The following PRKCZ variants were observed in gnomAD, a reference collection of about 807,000 sequenced individuals.
PRKCZ encodes the protein protein kinase C zeta, also known as protein kinase C zeta type.
In PRKCZ, 33 loss-of-function variants were observed where a neutral mutation model predicts 79.5. The ratio of observed to expected loss-of-function variants is 0.41; its 90% CI spans 0.31 to 0.55. The LOEUF is 0.55. Ranked by LOEUF, PRKCZ falls within the 20% of genes least tolerant of loss-of-function variation. The pLI, the probability that PRKCZ is intolerant of heterozygous loss-of-function variation, is 0.19. For synonymous variants in PRKCZ, 342 were observed against 320.9 expected (o/e 1.07, Z -0.70); for missense variants, 578 against 813.5 (o/e 0.71, Z 3.52).
chr1:2,180,074 A>G (rs375876565), intron 16 of PRKCZ, among the ~76,000 whole-genome samples: 2 of 152,184 alleles, frequency 1.3e-5, no homozygotes, highest in African/African-American at 2.4e-5. Context: ...CAAGCCCCAC[A>G]GCTGGGCTGG....
chr1:2,139,974 C>T (rs1220296890), intron 5 of PRKCZ, among the ~76,000 whole-genome samples: 8 of 152,188 alleles, frequency 5.3e-5, no homozygotes, highest in African/African-American at 1.9e-4. Context: ...GCAGGGACAG[C>T]TGGGTGGATG....
At chr1:2,102,530 C>G (rs547497786) in intron 4 of PRKCZ, among the ~76,000 whole-genome samples, 4 of 151,730 alleles carry the variant, frequency 2.6e-5, no homozygotes, top group African/African-American at 7.3e-5. Context: ...GATGGGGTTT[C>G]ACTGTGTTAG....
At chr1:2,093,646 C>A (rs939414527) in intron 4 of PRKCZ, among the ~76,000 whole-genome samples, 1 of 152,238 alleles carries the variant, frequency 6.6e-6, no homozygotes, top group African/African-American at 2.4e-5. Context: ...TGGTGCGGGG[C>A]CGCTGGGACC....
In PRKCZ at chr1:2,178,766, A is replaced by T. The variant is rs1685969079; in HGVS notation, c.1575+3453A>T. Among the ~76,000 whole-genome samples, 1 of 151,962 alleles carries T rather than the reference A, an allele frequency of 6.6e-6. No individual in the cohort carries two copies. The stretch of plus-strand genomic sequence containing the variant: ...TCGGTGGGTGTCAGCTCCATGTGGG[A>T]GTGGGGCACGTGTGAGGCCTTGGTC... On this transcript the variant is annotated intron_variant, in intron 16 of 17. Transcript: ENST00000378567. This position sits in a 1 kb window ranked among gnomAD's most constrained non-coding sequence, Gnocchi z 4.3.
chr1:2,105,943 C>G lies in PRKCZ; in HGVS notation c.335-29319C>G, dbSNP rs536632917. Among the ~76,000 whole-genome samples the G allele has an allele frequency of 2.9e-4, 44 of 152,358 alleles. 2 individuals are homozygous for G. The highest frequency in any genetic ancestry group is 9.6e-4 in the African/African-American group (40 of 41,600). On this transcript the variant is annotated intron_variant, in intron 4 of 17. Coordinates refer to ENST00000378567, the MANE Select transcript of PRKCZ (RefSeq NM_002744.6). ...GGCCCCACCCCCCCACACACACATG[C>G]TGGGACCACGAGTGGCACCCCCTGA...
At chr1:2,130,842 C>T (rs1435446553) in intron 4 of PRKCZ, among the ~76,000 whole-genome samples, 1 of 152,172 alleles carries the variant, frequency 6.6e-6, no homozygotes, top group Non-Finnish European at 1.5e-5. Context: ...CGCGTGGACA[C>T]ATACAGTGAA....
intron 4 of PRKCZ, among the ~76,000 whole-genome samples, chr1:2,069,020 T>G (rs1326809456): frequency 2.6e-5 from 4 of 152,166 alleles, no homozygotes; most frequent in African/African-American, 7.2e-5. Context: ...GTCACCACCC[T>G]GCCGGCTGCC....
At chr1:2,107,095 G>A (rs769766023) in intron 4 of PRKCZ, among the ~76,000 whole-genome samples, 5 of 152,252 alleles carry the variant, frequency 3.3e-5, no homozygotes, top group South Asian at 2.1e-4. Context: ...CCTGTGCCTC[G>A]CAGGGCCTGC....
chr1:2,055,135 G>T (rs542486802), intron 1 of PRKCZ, among the ~76,000 whole-genome samples: 2 of 151,920 alleles, frequency 1.3e-5, no homozygotes, highest in African/African-American at 4.8e-5. Flanking sequence ...GTAGAGACGG[G>T]GTTTCACCGT....
rs992127534 is a variant in PRKCZ at position 2,150,933 on chromosome 1, T to A, written c.831T>A (p.Ile277=). Residue 277 remains isoleucine, a synonymous_variant, in exon 9 of 18, where the codon ATT becomes ATA. Transcript: ENST00000378567. ...LLVRLKKNDQ[I]YAMKVVKKEL... ...TGCGGTTGAAGAAGAATGACCAAAT[T>A]TACGCCATGAAAGTGGTGAAGAAAG... 6 of 1,614,044 alleles carry A rather than the reference T, an allele frequency of 3.7e-6. No homozygotes were observed. Among genetic ancestry groups the A allele is most frequent in the Non-Finnish European group, 5.1e-6 (6 of 1,180,020 alleles).
chr1:2,175,008 CA>C (rs1473394629), intron 15 of PRKCZ, among the ~76,000 whole-genome samples, 175 bp downstream of exon 15: 2 of 152,126 alleles, frequency 1.3e-5, no homozygotes, highest in Non-Finnish European at 2.9e-5. Flanking sequence ...CGTTTTTACT[CA>C]CACCTAACAA....
chr1:2,162,420 C>G (rs1032974582), intron 10 of PRKCZ, among the ~76,000 whole-genome samples: 1 of 152,254 alleles, frequency 6.6e-6, no homozygotes, highest in Non-Finnish European at 1.5e-5. Flanking sequence ...GTGTAAGCCA[C>G]TGGGCCTGGC....
At chr1:2,055,324 T>G in intron 1 of PRKCZ, 117 bp from the exon 2 acceptor site, 2 of 1,296,930 alleles carry the variant, frequency 1.5e-6, no homozygotes, top group Non-Finnish European at 1.0e-6. Context: ...GGCTGTCATA[T>G]TGTCTTTGGG....
In PRKCZ at chr1:2,125,654, C is replaced by T. The variant is rs1214040445; in HGVS notation, c.335-9608C>T. Among the ~76,000 whole-genome samples the T allele has an allele frequency of 6.6e-6, 1 of 152,218 alleles. No homozygotes were observed. Among genetic ancestry groups the T allele is most frequent in the African/African-American group, 2.4e-5 (1 of 41,448 alleles). ...AAGAAAAGACTGAGACCCTGTGGTGCCTCCCGCTTTCCATCCGCATTCCAT... is the reference window on the plus strand; with the variant it reads ...AAGAAAAGACTGAGACCCTGTGGTGTCTCCCGCTTTCCATCCGCATTCCAT... On this transcript the variant is annotated intron_variant, in intron 4 of 17. Coordinates refer to ENST00000378567, the MANE Select transcript of PRKCZ (RefSeq NM_002744.6). This position sits in a 1 kb window ranked among gnomAD's most constrained non-coding sequence, Gnocchi z 4.2.
chr1:2,129,228 C>T (rs1290936631), intron 4 of PRKCZ, among the ~76,000 whole-genome samples: 1 of 152,102 alleles, frequency 6.6e-6, no homozygotes, highest in Non-Finnish European at 1.5e-5. Flanking sequence ...TTGCAGAATC[C>T]CCCGAAAAGG....
At chr1:2,140,030 C>T (rs1391887050) in intron 5 of PRKCZ, among the ~76,000 whole-genome samples, 5 of 152,182 alleles carry the variant, frequency 3.3e-5, no homozygotes, top group Non-Finnish European at 5.9e-5. Flanking sequence ...GGAGTGACCA[C>T]TTGGGTCCCT....
intron 4 of PRKCZ, among the ~76,000 whole-genome samples, chr1:2,131,960 C>T (rs1157955153): frequency 2.0e-5 from 3 of 152,120 alleles, no homozygotes; most frequent in Admixed American, 6.6e-5. Flanking sequence ...TACAGGCGCC[C>T]ACCACCACAC....
intron 10 of PRKCZ, among the ~76,000 whole-genome samples, chr1:2,166,264 T>A (rs1683296944): frequency 6.6e-6 from 1 of 152,034 alleles, no homozygotes; most frequent in Non-Finnish European, 1.5e-5. Flanking sequence ...ACAAAAAATT[T>A]AAAAATTAGC....
chr1:2,154,362 G>A (rs1368283072), intron 9 of PRKCZ, among the ~76,000 whole-genome samples: 1 of 152,182 alleles, frequency 6.6e-6, no homozygotes, highest in Non-Finnish European at 1.5e-5. Context: ...CCACTCCATT[G>A]GATCTGCCTC....
Sources: allele counts gnomAD v4.1 joint callset (sites outside exome capture counted in the v4.1 genomes callset), GRCh38; gene constraint gnomAD v4.1.1; non-coding constraint Gnocchi (gnomAD v3.1); transcripts MANE v1.5; gene names NCBI Gene and HGNC (gene_info 2026-07-23, HGNC 2026-07-21).